ZBTB4: variants seen among roughly 807,000 people sequenced by gnomAD.
The protein encoded by ZBTB4 is zinc finger and BTB domain containing 4.
ZBTB4 carries 14 observed loss-of-function variants against 59.8 expected under a neutral mutation model. The observed-to-expected ratio is 0.23, with a 90% CI of 0.15 to 0.37. ZBTB4 has a LOEUF of 0.37. Among genes scored for constraint, ZBTB4 ranks in the 10% least tolerant of loss-of-function variants. ZBTB4 has a pLI of 1.00. For synonymous variants in ZBTB4, 587 were observed against 575.2 expected, an observed-to-expected ratio of 1.02 and a Z score of -0.29; for missense variants, 1,198 against 1,380.8, an observed-to-expected ratio of 0.87 and a Z score of 2.10.
chr17:7,469,942 C>A (rs552418801), intron 1 of ZBTB4, among the ~76,000 whole-genome samples: 4 of 151,960 alleles, frequency 2.6e-5, no homozygotes, highest in Admixed American at 6.6e-5. Context: ...ATTAGCCGGA[C>A]GTGGTGGCAG....
intron 1 of ZBTB4, among the ~76,000 whole-genome samples, chr17:7,478,257 G>C (rs761924329): frequency 6.6e-6 from 1 of 152,004 alleles, no homozygotes; most frequent in Non-Finnish European, 1.5e-5. Flanking sequence ...CCTTCCCCTC[G>C]CTTGGCTGCC....
At position 7,462,644 on chromosome 17, in the gene ZBTB4, G is replaced by A. The variant is rs1280766616; in HGVS notation, c.2338C>T (p.Leu780=). 6.2e-7 allele frequency: 1 copy of A among 1,607,902 alleles called. No individual in the cohort carries two copies. The highest frequency in any genetic ancestry group is 1.3e-5 in the African/African-American group (1 of 74,878). ...CAKVCKTAAA[L]SRHGQRHAAE... is the part of the protein sequence containing the mutation. The stretch of plus-strand genomic sequence containing the variant: ...GCATGCCTCTGCCCGTGGCGGCTCA[G>A]GGCAGCTGCGGTCTTGCACACCTTG... Residue 780 remains leucine (L), a synonymous_variant, in exon 4 of 4, where the codon CTG becomes TTG. Coordinates refer to ENST00000380599, the MANE Select transcript of ZBTB4 (RefSeq NM_001128833.2). This position sits in a 1 kb window ranked among gnomAD's most constrained non-coding sequence, Gnocchi z 7.5.
In ZBTB4 at chr17:7,466,910, G is replaced by A. The variant is rs1477071596; in HGVS notation, c.-9-100C>T. ...AGAGAGGATCAGGAGCTGCTGGTCA[G>A]AAACTAGTGGAAGGCTGAATCACTT... is the stretch of plus-strand genomic sequence containing the variant. On this transcript the variant is annotated intron_variant, in intron 2 of 3. Coordinates refer to ENST00000380599, the MANE Select transcript of ZBTB4 (RefSeq NM_001128833.2). The surrounding 1 kb of genome is among the most constrained non-coding windows in gnomAD (Gnocchi z 9.1). 10 of 1,431,764 alleles carry A rather than the reference G, an allele frequency of 7.0e-6. No individual in the cohort carries two copies. The Admixed American group carries it at 2.9e-4, about 41-fold the overall frequency. 88.7% of individuals were successfully genotyped at this position (1,431,764 alleles called of 1,614,324 possible).
rs761735509 is a variant in ZBTB4 at position 7,466,279 on chromosome 17, G to A, written c.523C>T (p.Leu175Phe). 2.5e-6 allele frequency: 4 copies of A among 1,613,276 alleles called. No individual in the cohort carries two copies. In the African/African-American group the frequency reaches 4.0e-5, roughly 16 times the overall value. Residue 175 changes from leucine to phenylalanine, a missense_variant, in exon 3 of 4, where the codon CTT (leucine) becomes TTT (phenylalanine). Coordinates refer to ENST00000380599, the MANE Select transcript of ZBTB4 (RefSeq NM_001128833.2). The surrounding 1 kb of genome is among the most constrained non-coding windows in gnomAD (Gnocchi z 9.1). ...TCACCTCCCTCCCCCAGGCCCTGAA[G>A]GCGGGAGATGCCCAGACGGCGCCCC... ...ALGRRLGISR[L>F]QGLGEGGDAW... is the part of the protein sequence containing the mutation.
At chr17:7,478,668 G>A (rs1202784912) in intron 1 of ZBTB4, among the ~76,000 whole-genome samples, 1 of 152,140 alleles carries the variant, frequency 6.6e-6, no homozygotes, top group Non-Finnish European at 1.5e-5. Flanking sequence ...GAAAACACAT[G>A]CTGTAGAAAA....
At chr17:7,482,116 G>A, upstream of ZBTB4, 1 of 1,614,186 alleles carries the variant, frequency 6.2e-7, no homozygotes, top group Non-Finnish European at 8.5e-7. Context: ...TGGTGGCCCT[G>A]CTGGGTGGGG....
upstream of ZBTB4, among the ~76,000 whole-genome samples, chr17:7,483,792 A>G (rs1291434427): frequency 1.3e-5 from 2 of 152,132 alleles, no homozygotes; most frequent in Admixed American, 6.5e-5. Context: ...GGCTCAGGCC[A>G]TGGATCTAGG....
chr17:7,466,833 G>T lies in ZBTB4; in HGVS notation c.-9-23C>A. 6.6e-7 allele frequency: 1 copy of T among 1,505,412 alleles called. No homozygotes were observed. The highest frequency in any genetic ancestry group is 8.9e-7 in the Non-Finnish European group (1 of 1,128,066). The allele number at this position is 1,505,412 out of a possible 1,614,324, so 93.3% of individuals were successfully genotyped here. ...AGCCTAGACAGTGGGAGAAGAGGCC[G>T]GGTAGAGTCTCAGAGGCTGGGCAGA... On this transcript the variant is annotated intron_variant, in intron 2 of 3. Coordinates refer to ENST00000380599, the MANE Select transcript of ZBTB4 (RefSeq NM_001128833.2). The surrounding 1 kb of genome is among the most constrained non-coding windows in gnomAD (Gnocchi z 9.1).
At position 7,466,077 on chromosome 17, in the gene ZBTB4, C is replaced by T. The variant is rs777634621; in HGVS notation, c.725G>A (p.Ser242Asn). The change falls in exon 3 of 4, where the codon AGC (serine) becomes AAC (asparagine). Residue 242 changes from serine (S) to asparagine (N), a missense_variant. Coordinates refer to ENST00000380599, the MANE Select transcript of ZBTB4 (RefSeq NM_001128833.2). The surrounding 1 kb of genome is among the most constrained non-coding windows in gnomAD (Gnocchi z 9.1). ...CTGCAGCCGTTTGGGATGGATGAAG[C>T]TTTTTCCACACTGGGGGCAGGGGAG... ...RPLPCPQCGK[S>N]FIHPKRLQTH... The T allele has an allele frequency of 2.1e-5, 33 of 1,606,196 alleles. No homozygotes were observed. The highest frequency in any genetic ancestry group is 2.3e-5 in the Non-Finnish European group (27 of 1,175,548).
In ZBTB4 at chr17:7,463,120, G is replaced by A. The variant is rs1242455726; in HGVS notation, c.1862C>T (p.Thr621Ile). The A allele has an allele frequency of 3.1e-6, 5 of 1,609,804 alleles. No individual in the cohort carries two copies. The highest frequency in any genetic ancestry group is 4.2e-6 in the Non-Finnish European group (5 of 1,179,196). ...EAIVKRRISE[T>I]DLRPGELSGE... ...GCTCAGCTCCCCAGGACGCAGGTCA[G>A]TCTCTGAGATGCGGCGCTTGACGAT... is the stretch of plus-strand genomic sequence containing the variant. Residue 621 changes from threonine to isoleucine, a missense_variant, in exon 4 of 4, where the codon ACT (threonine) becomes ATT (isoleucine). Transcript: ENST00000380599.
chr17:7,465,167 A>AC (rs2070099614), intron 3 of ZBTB4, among the ~76,000 whole-genome samples: 1 of 140,748 alleles, frequency 7.1e-6, no homozygotes, highest in Admixed American at 7.2e-5. Flanking sequence ...AAAAAAAAAA[A>AC]TAAAAAAAAT....
Position 7,467,300 on chromosome 17 carries a change from C to T in ZBTB4, c.-53G>A, listed in dbSNP as rs4077715. Reference sequence around the variant, plus strand: ...TGGAGTGGGGCGGGGGGTGGCTCAGCGAGTCCCTTCTGCTGGGCCTCTTCC... The same window carrying T: ...TGGAGTGGGGCGGGGGGTGGCTCAGTGAGTCCCTTCTGCTGGGCCTCTTCC... On this transcript the variant is annotated 5_prime_UTR_variant, in exon 2 of 4. Coordinates refer to ENST00000380599, the MANE Select transcript of ZBTB4 (RefSeq NM_001128833.2). 1,014 of 964,618 alleles carry T rather than the reference C, an allele frequency of 1.1e-3. 9 individuals carry two copies. The African/African-American group carries it at 0.017, about 16-fold the overall frequency. The allele number at this position is 964,618 out of a possible 1,614,324, so 59.8% of individuals were successfully genotyped here. A position where few individuals can be genotyped will look rare whatever the true frequency, so the allele number is the denominator to read the frequency against.
chr17:7,472,535 T>C (rs1597776135), intron 1 of ZBTB4, among the ~76,000 whole-genome samples: 1 of 151,432 alleles, frequency 6.6e-6, no homozygotes, highest in Non-Finnish European at 1.5e-5. Context: ...TTCACCATGC[T>C]GGCAAGGCTG....
At chr17:7,469,607 A>AT (rs1270248391) in intron 1 of ZBTB4, among the ~76,000 whole-genome samples, 31 of 149,756 alleles carry the variant, frequency 2.1e-4, no homozygotes, top group Non-Finnish European at 2.8e-4. Context: ...AATAATAATA[A>AT]AAAAAAAATT....
At chr17:7,467,481 G>A (rs941865958) in intron 1 of ZBTB4, among the ~76,000 whole-genome samples, 154 bp from the exon 2 acceptor site, 3 of 152,180 alleles carry the variant, frequency 2.0e-5, no homozygotes, top group Non-Finnish European at 4.4e-5. Flanking sequence ...ACCCCTCCCC[G>A]GAGCCTCTGC....
At chr17:7,478,864 G>A (rs1336405299) in intron 1 of ZBTB4, among the ~76,000 whole-genome samples, 2 of 152,094 alleles carry the variant, frequency 1.3e-5, no homozygotes, top group African/African-American at 4.8e-5. Context: ...GCCAGCAAAC[G>A]GTGGTGCCCA....
Position 7,466,865 on chromosome 17 carries a change from G to C in ZBTB4, c.-9-55C>G, listed in dbSNP as rs887180391. 4.1e-6 allele frequency: 6 copies of C among 1,449,714 alleles called. No homozygotes were observed. The highest frequency in any genetic ancestry group is 4.5e-6 in the Non-Finnish European group (5 of 1,105,162). The allele number at this position is 1,449,714 out of a possible 1,614,324, so 89.8% of individuals were successfully genotyped here. A position where few individuals can be genotyped will look rare whatever the true frequency, so the allele number is the denominator to read the frequency against. ...GTCTCAGAGGCTGGGCAGAGGGCAGGGGCTTCTAAAATCAGGCAGAGAGAG... is the reference window on the plus strand; with the variant it reads ...GTCTCAGAGGCTGGGCAGAGGGCAGCGGCTTCTAAAATCAGGCAGAGAGAG... On this transcript the variant is annotated intron_variant, in intron 2 of 3. Coordinates refer to ENST00000380599, the MANE Select transcript of ZBTB4 (RefSeq NM_001128833.2). The surrounding 1 kb of genome is among the most constrained non-coding windows in gnomAD (Gnocchi z 9.1).
intron 1 of ZBTB4, among the ~76,000 whole-genome samples, chr17:7,468,501 T>C (rs2070157868): frequency 6.6e-6 from 1 of 152,188 alleles, no homozygotes; most frequent in South Asian, 2.1e-4. Flanking sequence ...TTGAAGACTC[T>C]TTTCAGTTGA....
chr17:7,463,921 A>G, intron 3 of ZBTB4, 31 bp from the exon 4 acceptor site: 1 of 1,589,438 alleles, frequency 6.3e-7, no homozygotes, highest in Non-Finnish European at 8.6e-7. Flanking sequence ...ATAGGGCAGG[A>G]ACACAGGCAC....
Sources: allele counts gnomAD v4.1 joint callset (sites outside exome capture counted in the v4.1 genomes callset), GRCh38; gene constraint gnomAD v4.1.1; non-coding constraint Gnocchi (gnomAD v3.1); transcripts MANE v1.5; gene names NCBI Gene and HGNC (gene_info 2026-07-23, HGNC 2026-07-21).